Variants in PXDN observed in about 807,000 individuals in gnomAD.
PXDN encodes peroxidasin.
PXDN carries 77 observed loss-of-function variants against 140.3 expected under a neutral mutation model. The ratio of observed to expected loss-of-function variants is 0.55; its 90% CI spans 0.46 to 0.66. The LOEUF is 0.66. Ranked by LOEUF, PXDN falls within the 30% of genes least tolerant of loss-of-function variation. The pLI, the probability that PXDN is intolerant of heterozygous loss-of-function variation, is 0.00. For missense variants in PXDN, 1,838 were observed against 2,039.5 expected (o/e 0.90, Z 1.90); for synonymous variants, 911 against 857.4 (o/e 1.06, Z -1.09).
chr2:1,731,428 G>A (rs1009376974), intron 1 of PXDN, among the ~76,000 whole-genome samples: 3 of 152,166 alleles, frequency 2.0e-5, no homozygotes, highest in Non-Finnish European at 4.4e-5. Context: ...CAGAAACAGC[G>A]CATCAGCTCC....
chr2:1,700,119 T>C (rs1474267787), intron 1 of PXDN, among the ~76,000 whole-genome samples: 1 of 152,106 alleles, frequency 6.6e-6, no homozygotes, highest in African/African-American at 2.4e-5. Context: ...TGGAGTGGAG[T>C]GGCGCGATCT....
At chr2:1,744,790 T>C (rs1036696042), upstream of PXDN, 2 of 220,276 alleles carry the variant, frequency 9.1e-6, no homozygotes, top group Non-Finnish European at 1.8e-5. Flanking sequence ...GCGAAGCTTC[T>C]CCACTTCTCT....
intron 19 of PXDN, among the ~76,000 whole-genome samples, chr2:1,641,154 T>C: frequency 6.6e-6 from 1 of 152,216 alleles, no homozygotes; most frequent in East Asian, 1.9e-4. Flanking sequence ...TGTGTCTTTT[T>C]ATTTTTTTAT....
At chr2:1,693,523 T>G (rs1007377373) in intron 1 of PXDN, among the ~76,000 whole-genome samples, 1 of 152,206 alleles carries the variant, frequency 6.6e-6, no homozygotes, top group Non-Finnish European at 1.5e-5. Context: ...ACCTTAGAGT[T>G]TACTCCAGTG....
At chr2:1,730,170 T>A (rs913210640) in intron 1 of PXDN, among the ~76,000 whole-genome samples, 2 of 152,230 alleles carry the variant, frequency 1.3e-5, no homozygotes, top group African/African-American at 4.8e-5. Flanking sequence ...TTTGTTTCAC[T>A]TTGTTCCTGT....
At chr2:1,666,525 C>T (rs377164925) in intron 9 of PXDN, 39 bp from the exon 10 acceptor site, 13 of 1,551,794 alleles carry the variant, frequency 8.4e-6, no homozygotes, top group Admixed American at 5.4e-5. Flanking sequence ...TAATTTCTCC[C>T]GGTTTGACAT....
intron 2 of PXDN, chr2:1,692,395 G>A (rs1334775895): frequency 2.6e-5 from 11 of 419,294 alleles, no homozygotes; most frequent in Non-Finnish European, 4.4e-5. Flanking sequence ...GGAAAGGTGG[G>A]CCCTGTGGCC....
chr2:1,679,806 GGT>G (rs528478301), intron 7 of PXDN, among the ~76,000 whole-genome samples: 5 of 138,522 alleles, frequency 3.6e-5, no homozygotes, highest in East Asian at 2.3e-4. Flanking sequence ...GTGTGTAAAT[GGT>G]GTGTGTGTAA....
chr2:1,655,991 A>C (rs544810243), intron 14 of PXDN, among the ~76,000 whole-genome samples: 1 of 152,034 alleles, frequency 6.6e-6, no homozygotes, highest in African/African-American at 2.4e-5. Flanking sequence ...CCCATCAAAC[A>C]TATAGATACA....
At chr2:1,683,780 G>GTGTAGAA (rs1218852961) in intron 5 of PXDN, 53 bp from the exon 6 acceptor site, 1 of 1,391,754 alleles carries the variant, frequency 7.2e-7, no homozygotes, top group Non-Finnish European at 9.9e-7. Flanking sequence ...TTCTTAAAAT[G>GTGTAGAA]TGTAGAAAAG....
At chr2:1,720,444 G>A (rs575964143) in intron 1 of PXDN, among the ~76,000 whole-genome samples, 1 of 152,060 alleles carries the variant, frequency 6.6e-6, no homozygotes, top group South Asian at 2.1e-4. Context: ...TGGGGTTGAA[G>A]GTGAGAAGAG....
upstream of PXDN, chr2:1,744,656 C>T (rs1352888010): frequency 4.8e-6 from 2 of 414,798 alleles, no homozygotes; most frequent in Admixed American, 9.7e-5. Flanking sequence ...AGCGTCCGGC[C>T]TGAGCGCCCT....
Position 1,673,761 on chromosome 2 carries a change from C to T in PXDN, c.900G>A (p.Gly300=). 4 of 1,613,980 alleles carry T rather than the reference C, an allele frequency of 2.5e-6. No individual in the cohort carries two copies. The highest frequency in any genetic ancestry group is 3.4e-6 in the Non-Finnish European group (4 of 1,179,856). ...TDSRLNLLDD[G]TLMIQNTQET... ...CCTGTGTGTTCTGGATCATCAGGGT[C>T]CCATCGTCCAGCAAGTTTAGGCGGG... The change falls in exon 9 of 23, where the codon GGG becomes GGA. Residue 300 remains glycine, a synonymous_variant. Transcript: ENST00000252804.
chr2:1,640,991 C>T (rs369194738), intron 19 of PXDN, among the ~76,000 whole-genome samples: 15 of 152,212 alleles, frequency 9.9e-5, no homozygotes, highest in Admixed American at 4.6e-4. Context: ...ACCTGCTCAG[C>T]GGCCTGGCCT....
At chr2:1,678,596 T>C (rs542817287) in intron 7 of PXDN, among the ~76,000 whole-genome samples, 1 of 152,320 alleles carries the variant, frequency 6.6e-6, no homozygotes, top group South Asian at 2.1e-4. Context: ...GAAAACCATC[T>C]GGAATGAACA....
At chr2:1,682,568 C>T (rs1020420821) in intron 6 of PXDN, among the ~76,000 whole-genome samples, 1 of 152,212 alleles carries the variant, frequency 6.6e-6, no homozygotes, top group Non-Finnish European at 1.5e-5. Context: ...AATGTCACAA[C>T]TTTCTCCACC....
chr2:1,665,379 T>C (rs1294397542), intron 10 of PXDN, among the ~76,000 whole-genome samples: 1 of 152,176 alleles, frequency 6.6e-6, no homozygotes, highest in East Asian at 1.9e-4. Flanking sequence ...CAGGCCGACT[T>C]ACAACGATTC....
intron 21 of PXDN, among the ~76,000 whole-genome samples, chr2:1,637,573 A>ACT (rs1558482324): frequency 2.5e-4 from 35 of 141,164 alleles, no homozygotes; most frequent in African/African-American, 9.4e-4. Flanking sequence ...CTGCCAGGCG[A>ACT]TGTACACCTA....
intron 1 of PXDN, among the ~76,000 whole-genome samples, chr2:1,726,414 T>A (rs1432928983): frequency 1.5e-4 from 18 of 120,644 alleles, no homozygotes; most frequent in Non-Finnish European, 2.8e-4. Context: ...AACATCACAC[T>A]CTGGGGACTG....
Sources: allele counts gnomAD v4.1 joint callset (sites outside exome capture counted in the v4.1 genomes callset), GRCh38; gene constraint gnomAD v4.1.1; transcripts MANE v1.5; gene names NCBI Gene and HGNC (gene_info 2026-07-23, HGNC 2026-07-21).